RUNDC3B: variants seen among roughly 807,000 people sequenced by gnomAD.
RUNDC3B encodes RUN domain containing 3B, also known as RUN domain-containing protein 3B.
In RUNDC3B, 33 loss-of-function variants were observed where a neutral mutation model predicts 58.4. The ratio of observed to expected loss-of-function variants is 0.56; its 90% CI spans 0.43 to 0.75. The LOEUF (loss-of-function observed/expected upper bound fraction) is 0.75, where lower values mean the gene tolerates loss of function less well. RUNDC3B is among the 30% of genes least tolerant of loss of function. The probability of loss-of-function intolerance (pLI) is 0.00; values close to 1 mark genes in which losing one functional copy is unlikely to be tolerated. For missense variants in RUNDC3B, 501 were observed against 535.7 expected, an observed-to-expected ratio of 0.94 and a Z score of 0.64; for synonymous variants, 193 against 195.2, an observed-to-expected ratio of 0.99 and a Z score of 0.10.
At chr7:87,752,620 A>G (rs1041935144) in intron 6 of RUNDC3B, among the ~76,000 whole-genome samples, 5 of 152,284 alleles carry the variant, frequency 3.3e-5, no homozygotes, top group African/African-American at 1.2e-4. Flanking sequence ...GTATGTGTTG[A>G]GGAATTTATC....
chr7:87,642,248 G>T (rs1359258151), intron 1 of RUNDC3B, among the ~76,000 whole-genome samples: 1 of 152,076 alleles, frequency 6.6e-6, no homozygotes, highest in African/African-American at 2.4e-5. Context: ...TGATGTGTGT[G>T]TTTGCATAGA....
chr7:87,734,613 A>G (rs1025159383), intron 4 of RUNDC3B, among the ~76,000 whole-genome samples: 1 of 152,170 alleles, frequency 6.6e-6, no homozygotes, highest in African/African-American at 2.4e-5. Flanking sequence ...ACACTTCATC[A>G]CCAGACTTCT....
chr7:87,657,782 C>G (rs1824260777), intron 2 of RUNDC3B, among the ~76,000 whole-genome samples: 1 of 152,224 alleles, frequency 6.6e-6, no homozygotes, highest in South Asian at 2.1e-4. Context: ...ATGTAGGAAG[C>G]CTGGACTCCA....
intron 8 of RUNDC3B, among the ~76,000 whole-genome samples, chr7:87,779,291 A>T (rs1053472447): frequency 6.6e-6 from 1 of 152,186 alleles, no homozygotes. Context: ...GTTGTCAGCC[A>T]CTTTAAACTT....
At chr7:87,694,698 G>C (rs537274229) in intron 2 of RUNDC3B, among the ~76,000 whole-genome samples, 1 of 151,468 alleles carries the variant, frequency 6.6e-6, no homozygotes, top group Non-Finnish European at 1.5e-5. Context: ...GACTTCAGCC[G>C]TCATGTACGA....
Position 87,739,833 on chromosome 7 carries a change from A to G in RUNDC3B, c.501A>G (p.Ala167=). The G allele has an allele frequency of 1.2e-6, 2 of 1,600,402 alleles. No individual in the cohort carries two copies. The highest frequency in any genetic ancestry group is 1.7e-6 in the Non-Finnish European group (2 of 1,170,316). ...EDGAIVLGEE[A]NMLAGMLLGL... ...GAGCAATTGTCTTGGGTGAAGAAGC[A>G]AATATGCTTGCTGGCATGCTTCTAG... Residue 167 remains alanine (A), a synonymous_variant, in exon 5 of 11, where the codon GCA becomes GCG. Transcript: ENST00000394654.
intron 3 of RUNDC3B, 37 bp from the exon 4 acceptor site, chr7:87,710,533 A>T (rs776451181): frequency 2.3e-6 from 3 of 1,307,326 alleles, no homozygotes; most frequent in Admixed American, 4.4e-5. Flanking sequence ...TATTTTTTTA[A>T]TTTTTTTTAT....
chr7:87,775,516 A>G lies in RUNDC3B; in HGVS notation c.799-2282A>G, dbSNP rs10244437. On this transcript the variant is annotated intron_variant, in intron 7 of 10. Coordinates refer to ENST00000394654, the MANE Select transcript of RUNDC3B (RefSeq NM_001134405.2). ...AAAGAAAACTTATAAAAATAAATTT[A>G]GTATAGCCTAGGCGTACAGTGTTTA... Among the ~76,000 whole-genome samples, 1,010 of 152,298 alleles carry G rather than the reference A, an allele frequency of 6.6e-3. 11 individuals are homozygous for G. Among genetic ancestry groups the G allele is most frequent in the African/African-American group, 0.023 (969 of 41,558 alleles).
intron 2 of RUNDC3B, among the ~76,000 whole-genome samples, chr7:87,698,618 T>C (rs1828726302): frequency 6.6e-6 from 1 of 152,238 alleles, no homozygotes; most frequent in Non-Finnish European, 1.5e-5. Flanking sequence ...TTTAAGATTA[T>C]CTGTGTTGTG....
At chr7:87,660,594 A>G (rs1168257928) in intron 2 of RUNDC3B, among the ~76,000 whole-genome samples, 10 of 151,932 alleles carry the variant, frequency 6.6e-5, no homozygotes, top group Non-Finnish European at 5.9e-5. Flanking sequence ...TAGTCTTTCA[A>G]ATAACTAATT....
chr7:87,636,179 A>G (rs907989914), intron 1 of RUNDC3B, among the ~76,000 whole-genome samples: 3 of 152,194 alleles, frequency 2.0e-5, no homozygotes, highest in Non-Finnish European at 4.4e-5. Context: ...AGTTGTACCA[A>G]CACTCATACT....
At chr7:87,686,875 G>A (rs964132927) in intron 2 of RUNDC3B, among the ~76,000 whole-genome samples, 4 of 150,166 alleles carry the variant, frequency 2.7e-5, no homozygotes, top group Non-Finnish European at 5.9e-5. Context: ...AGCCCAAGGA[G>A]ACCAAGGCTG....
At chr7:87,819,792 G>A (rs1164073216) in intron 10 of RUNDC3B, among the ~76,000 whole-genome samples, 1 of 151,928 alleles carries the variant, frequency 6.6e-6, no homozygotes, top group Non-Finnish European at 1.5e-5. Flanking sequence ...TGACTACTGG[G>A]TACATAACGA....
chr7:87,705,532 A>G (rs1424077111), intron 3 of RUNDC3B, among the ~76,000 whole-genome samples: 1 of 152,258 alleles, frequency 6.6e-6, no homozygotes, highest in African/African-American at 2.4e-5. Context: ...ACATAGCCTA[A>G]CAATAGAATA....
At chr7:87,803,575 G>T (rs977104844) in intron 8 of RUNDC3B, among the ~76,000 whole-genome samples, 1 of 152,048 alleles carries the variant, frequency 6.6e-6, no homozygotes, top group Non-Finnish European at 1.5e-5. Flanking sequence ...TATTAGAAGC[G>T]GTAGAGTATA....
chr7:87,788,768 C>CA (rs1835368133), intron 8 of RUNDC3B, among the ~76,000 whole-genome samples: 1 of 146,828 alleles, frequency 6.8e-6, no homozygotes, highest in Non-Finnish European at 1.5e-5. Context: ...TACATGTGCA[C>CA]ATTGTGCAGG....
At chr7:87,760,371 G>A (rs927548988) in intron 6 of RUNDC3B, among the ~76,000 whole-genome samples, 2 of 152,042 alleles carry the variant, frequency 1.3e-5, no homozygotes. Flanking sequence ...TTAATGAATT[G>A]AAACACTTCA....
At chr7:87,789,597 A>T (rs922536722) in intron 8 of RUNDC3B, among the ~76,000 whole-genome samples, 5 of 152,220 alleles carry the variant, frequency 3.3e-5, no homozygotes, top group Admixed American at 6.5e-5. Context: ...TCTAATTAAA[A>T]TTTAAAATTA....
chr7:87,729,151 T>G (rs1831427891), intron 4 of RUNDC3B, among the ~76,000 whole-genome samples: 1 of 152,038 alleles, frequency 6.6e-6, no homozygotes, highest in Non-Finnish European at 1.5e-5. Context: ...CAATAATATA[T>G]AATAACTGAG....
Sources: gnomAD v4.1 joint callset for allele counts (sites outside exome capture counted in the v4.1 genomes callset) on GRCh38, gnomAD v4.1.1 for gene constraint, MANE v1.5 for transcripts, NCBI Gene and HGNC (gene_info 2026-07-23, HGNC 2026-07-21) for gene names.